The following CLCN5 variants were observed in gnomAD, a reference collection of about 807,000 sequenced individuals.
CLCN5 encodes the protein Cl-/H+ antiporter 5, also known as H(+)/Cl(-) exchange transporter 5.
In CLCN5, 17 loss-of-function variants were observed where a neutral mutation model predicts 54.0. That is an observed-to-expected ratio of 0.31 (90% CI 0.22 to 0.47). The LOEUF is 0.47. Among genes scored for constraint, CLCN5 ranks in the 20% least tolerant of loss-of-function variants. CLCN5 has a pLI of 1.00. For synonymous variants in CLCN5, 222 were observed against 233.0 expected (o/e 0.95, Z 0.43); for missense variants, 448 against 646.7 (o/e 0.69, Z 3.33).
At position 50,075,811 on chromosome X, in the gene CLCN5, G is replaced by A; in HGVS notation, c.432G>A (p.Leu144=). 8.3e-7 allele frequency: 1 copy of A among 1,211,598 alleles called. No homozygotes were observed. The highest frequency in any genetic ancestry group is 1.1e-6 in the Non-Finnish European group (1 of 895,277). Residue 144 remains leucine (L), a synonymous_variant, in exon 7 of 15, where the codon TTG becomes TTA. Coordinates refer to ENST00000376091, the MANE Select transcript of CLCN5 (RefSeq NM_001127898.4). ...ACAAATCAGGTTCGTTAGCTGGTTT[G>A]ATAGACATCTCTGCTCATTGGATGA... ...IGLLSGSLAG[L]IDISAHWMTD... is the part of the protein sequence containing the mutation.
At chrX:50,089,387 T>C (rs1033516632) in intron 12 of CLCN5, among the ~76,000 whole-genome samples, 2 of 112,463 alleles carry the variant, frequency 1.8e-5, no homozygotes, top group Non-Finnish European at 3.8e-5. Flanking sequence ...ATTAAACATA[T>C]AATGTGAGTT....
chrX:50,055,432 GT>G (rs1290317649), intron 4 of CLCN5, among the ~76,000 whole-genome samples: 6 of 111,524 alleles, frequency 5.4e-5, no homozygotes, highest in Non-Finnish European at 1.1e-4. Context: ...AGGATAATAG[GT>G]CTGATCACAC....
At chrX:50,076,530 T>G (rs782781850) in intron 7 of CLCN5, among the ~76,000 whole-genome samples, 29 of 110,692 alleles carry the variant, frequency 2.6e-4, no homozygotes, top group African/African-American at 9.5e-4. Flanking sequence ...TACGTTTTTG[T>G]TTTTTTTCTT....
intron 3 of CLCN5, among the ~76,000 whole-genome samples, chrX:49,950,291 A>G (rs1235554119): frequency 1.8e-5 from 2 of 112,069 alleles, no homozygotes; most frequent in African/African-American, 6.5e-5. Context: ...AACTATGTAA[A>G]AGACAGGGAG....
chrX:50,045,244 T>A (rs1427345912), intron 4 of CLCN5, among the ~76,000 whole-genome samples: 1 of 111,111 alleles, frequency 9.0e-6, no homozygotes, highest in Admixed American at 9.6e-5. Flanking sequence ...GCCCCTGAAT[T>A]TAAAGTTCAT....
At chrX:50,003,080 G>A (rs1929954504) in intron 3 of CLCN5, 1 of 334,612 alleles carries the variant, frequency 3.0e-6, no homozygotes, top group South Asian at 2.8e-5. Flanking sequence ...GCATGTCTGG[G>A]GCACAGTCAT....
chrX:50,053,229 G>C (rs1318445963), intron 4 of CLCN5, among the ~76,000 whole-genome samples: 3 of 110,990 alleles, frequency 2.7e-5, no homozygotes, highest in Non-Finnish European at 5.7e-5. Context: ...ATAGATGTGG[G>C]GCTCTTCAGA....
intron 3 of CLCN5, among the ~76,000 whole-genome samples, chrX:50,036,109 G>A (rs1166396901): frequency 9.0e-6 from 1 of 111,705 alleles, no homozygotes; most frequent in Non-Finnish European, 1.9e-5. Flanking sequence ...AAAGAGCACT[G>A]GGCTTGGAGT....
At chrX:49,990,257 C>T (rs1473192870) in intron 3 of CLCN5, among the ~76,000 whole-genome samples, 4 of 110,248 alleles carry the variant, frequency 3.6e-5, no homozygotes, top group African/African-American at 9.9e-5. Flanking sequence ...CTCTGCCTCC[C>T]GGGTCCAAGC....
At position 49,992,208 on chromosome X, in the gene CLCN5, C is replaced by T. The variant is rs782014782; in HGVS notation, c.17-50108C>T. Among the ~76,000 whole-genome samples, 439 of 83,998 alleles carry T rather than the reference C, an allele frequency of 5.2e-3. 1 individual carries two copies. The highest frequency in any genetic ancestry group is 0.014 in the African/African-American group (336 of 23,416). 72.9% of individuals were successfully genotyped at this position (83,998 alleles called of 115,157 possible). A position where few individuals can be genotyped will look rare whatever the true frequency, so the allele number is the denominator to read the frequency against. On this transcript the variant is annotated intron_variant, in intron 3 of 14. Transcript: ENST00000376091. ...TTGGGGTCTCTCCCTCTCTTTTTTTCTTTTTTTTTTTTTTTTGCCTTCCAA... is the reference window on the plus strand; with the variant it reads ...TTGGGGTCTCTCCCTCTCTTTTTTTTTTTTTTTTTTTTTTTTGCCTTCCAA...
At position 50,042,743 on chromosome X, in the gene CLCN5, A is replaced by G. The variant is rs782405010; in HGVS notation, c.163+281A>G. On this transcript the variant is annotated intron_variant, in intron 4 of 14. Coordinates refer to ENST00000376091, the MANE Select transcript of CLCN5 (RefSeq NM_001127898.4). ...AGTTTCTTTTCTTTTCAATGATGTC[A>G]TGTACATGGAATCACATAGTATGTC... Among the ~76,000 whole-genome samples the G allele has an allele frequency of 1.3e-4, 15 of 111,269 alleles. No homozygotes were observed. The Admixed American group carries it at 1.4e-3, about 11-fold the overall frequency.
At chrX:50,027,933 A>G (rs1459765248) in intron 3 of CLCN5, among the ~76,000 whole-genome samples, 3 of 111,467 alleles carry the variant, frequency 2.7e-5, no homozygotes, top group African/African-American at 9.8e-5. Context: ...ACTGTTGTGT[A>G]TTTGGGTTTC....
chrX:50,066,566 T>A (rs781921925), intron 4 of CLCN5, among the ~76,000 whole-genome samples: 2 of 112,278 alleles, frequency 1.8e-5, no homozygotes, highest in Admixed American at 9.4e-5. Flanking sequence ...CCTTAGGGAA[T>A]CCTCCCAATT....
chrX:49,965,727 G>A (rs1557175350), intron 3 of CLCN5, among the ~76,000 whole-genome samples: 3 of 112,283 alleles, frequency 2.7e-5, no homozygotes, highest in Non-Finnish European at 5.6e-5. Context: ...CTTCAAGAAT[G>A]ATATTTGCTG....
At chrX:49,923,081 C>T (rs1463085857) in intron 1 of CLCN5, among the ~76,000 whole-genome samples, 2 of 113,090 alleles carry the variant, frequency 1.8e-5, no homozygotes, top group Non-Finnish European at 3.7e-5. Context: ...TGCGGAGCGG[C>T]GCCAAGCCCG....
chrX:49,928,255 T>C (rs1198122666), intron 3 of CLCN5, among the ~76,000 whole-genome samples: 1 of 112,042 alleles, frequency 8.9e-6, no homozygotes, highest in Non-Finnish European at 1.9e-5. Flanking sequence ...TATCAAAATA[T>C]CACATATACC....
At chrX:49,937,580 G>C (rs532420784) in intron 3 of CLCN5, among the ~76,000 whole-genome samples, 4 of 111,795 alleles carry the variant, frequency 3.6e-5, no homozygotes, top group Non-Finnish European at 1.9e-5. Flanking sequence ...TTGTTAAAGC[G>C]TAATGCTAAG....
At chrX:50,037,885 T>C (rs782670243) in intron 3 of CLCN5, among the ~76,000 whole-genome samples, 8 of 111,230 alleles carry the variant, frequency 7.2e-5, no homozygotes, top group Non-Finnish European at 1.3e-4. Context: ...GTGTGTGTGT[T>C]CCCTACCTAT....
chrX:49,957,648 T>G (rs1403845443), intron 3 of CLCN5, among the ~76,000 whole-genome samples: 1 of 112,177 alleles, frequency 8.9e-6, no homozygotes, highest in Non-Finnish European at 1.9e-5. Context: ...ATGATCATGT[T>G]TCCGCTGTCT....
Sources: gnomAD v4.1 joint callset for allele counts (sites outside exome capture counted in the v4.1 genomes callset) on GRCh38, gnomAD v4.1.1 for gene constraint, MANE v1.5 for transcripts, NCBI Gene and HGNC (gene_info 2026-07-23, HGNC 2026-07-21) for gene names.